The following RAB5C variants were observed in gnomAD, a reference collection of about 807,000 sequenced individuals.
RAB5C encodes RAB5C, member RAS oncogene family.
A neutral mutation model predicts 25.2 loss-of-function variants in RAB5C; 4 were observed. The observed-to-expected ratio is 0.16, with a 90% CI of 0.08 to 0.36. The LOEUF (loss-of-function observed/expected upper bound fraction) is 0.36, where lower values mean the gene tolerates loss of function less well. Ranked by LOEUF, RAB5C falls within the 10% of genes least tolerant of loss-of-function variation. The pLI, the probability that RAB5C is intolerant of heterozygous loss-of-function variation, is 1.00. For missense variants in RAB5C, 199 were observed against 283.8 expected (o/e 0.70, Z 2.15); for synonymous variants, 100 against 106.4 (o/e 0.94, Z 0.37).
chr17:42,150,383 A>C (rs1339236846), intron 1 of RAB5C, among the ~76,000 whole-genome samples: 1 of 151,116 alleles, frequency 6.6e-6, no homozygotes, highest in African/African-American at 2.4e-5. Context: ...GTCTCTACTA[A>C]AAGTACAAAA....
chr17:42,140,291 A>G (rs1204089232), intron 1 of RAB5C, among the ~76,000 whole-genome samples: 1 of 151,984 alleles, frequency 6.6e-6, no homozygotes, highest in African/African-American at 2.4e-5. Flanking sequence ...TCCTAAACAG[A>G]GAGCAGAGGT....
intron 1 of RAB5C, 136 bp from the exon 2 acceptor site, chr17:42,130,726 C>T: frequency 8.9e-7 from 1 of 1,124,456 alleles, no homozygotes; most frequent in Non-Finnish European, 1.2e-6. Flanking sequence ...CCTCCCTGCC[C>T]TCCCCACTAG....
intron 2 of RAB5C, 151 bp from the exon 3 acceptor site, chr17:42,128,951 G>T (rs9889645): frequency 1.7e-5 from 12 of 716,146 alleles, no homozygotes; most frequent in African/African-American, 7.4e-5. Flanking sequence ...AGGCCTGAGT[G>T]GGGGGTGGAG....
At chr17:42,150,842 GAC>G (rs2079666269) in intron 1 of RAB5C, among the ~76,000 whole-genome samples, 1 of 151,438 alleles carries the variant, frequency 6.6e-6, no homozygotes, top group Non-Finnish European at 1.5e-5. Context: ...ATGAGAATGA[GAC>G]TGCCTCAAAA....
At chr17:42,143,657 T>A (rs905931723) in intron 1 of RAB5C, among the ~76,000 whole-genome samples, 1 of 151,976 alleles carries the variant, frequency 6.6e-6, no homozygotes, top group Admixed American at 6.6e-5. Context: ...AGTGCCAAAA[T>A]GTAAAGAAGT....
intron 2 of RAB5C, 190 bp downstream of exon 2, chr17:42,130,147 G>A (rs762805498): frequency 3.6e-5 from 25 of 694,660 alleles, no homozygotes; most frequent in Non-Finnish European, 5.5e-5. Flanking sequence ...GCTTACTAGC[G>A]ATGCTTGAGG....
chr17:42,150,544 CAAAAAAAAAAA>C (rs759878778), intron 1 of RAB5C, among the ~76,000 whole-genome samples: 52 of 19,380 alleles, frequency 2.7e-3, no homozygotes, highest in African/African-American at 0.012. Context: ...AACTCCATCT[CAAAAAAAAAAA>C]AAAAAAAAAA....
chr17:42,128,775 GCAGA>G lies in RAB5C; in HGVS notation c.188_191del (p.Val63AlafsTer53), dbSNP rs2054455338. 1.3e-6 allele frequency: 2 copies of G among 1,560,800 alleles called. No individual in the cohort carries two copies. The highest frequency in any genetic ancestry group is 1.4e-5 in the African/African-American group (1 of 72,294). On this transcript the variant is annotated frameshift_variant, in exon 3 of 6. Transcript: ENST00000346213. LOFTEE classifies it high-confidence loss of function. ...CAAACTTGACTGTTGTGTCATCCAGGCAGACAGTCTGTGTGAGGAAGGCCGCTGT... is the reference window on the plus strand; with the variant it reads ...CAAACTTGACTGTTGTGTCATCCAGGCAGTCTGTGTGAGGAAGGCCGCTGT...
chr17:42,127,774 C>T lies in RAB5C; in HGVS notation c.441+487G>A, dbSNP rs2054441765. 2.0e-5 allele frequency among the ~76,000 whole-genome samples: 3 copies of T among 151,182 alleles called. No individual in the cohort carries two copies. The South Asian group carries it at 6.3e-4, about 32-fold the overall frequency. ...GAACTCCTAAGCTCAAGTGATCTCC[C>T]GCCTCAGCCTGCAGAGTATTGGGAT... On this transcript the variant is annotated intron_variant, in intron 4 of 5. Coordinates refer to ENST00000346213, the MANE Select transcript of RAB5C (RefSeq NM_004583.4).
intron 1 of RAB5C, among the ~76,000 whole-genome samples, chr17:42,141,348 AAAC>A (rs1478497205): frequency 6.6e-6 from 1 of 152,212 alleles, no homozygotes; most frequent in Non-Finnish European, 1.5e-5. Context: ...TTGCAGATGA[AAAC>A]AACCACATTA....
intron 1 of RAB5C, among the ~76,000 whole-genome samples, chr17:42,141,541 C>T (rs535760142): frequency 1.3e-5 from 2 of 152,158 alleles, no homozygotes; most frequent in African/African-American, 4.8e-5. Context: ...ATCTGCCAGA[C>T]GGCTCGGGTC....
At chr17:42,139,891 C>G (rs1289669405) in intron 1 of RAB5C, among the ~76,000 whole-genome samples, 2 of 152,224 alleles carry the variant, frequency 1.3e-5, no homozygotes, top group Non-Finnish European at 2.9e-5. Context: ...CAATGCCAGG[C>G]AGGATGCTAG....
At chr17:42,131,516 CA>C in intron 1 of RAB5C, 1 of 1,304,212 alleles carries the variant, frequency 7.7e-7, no homozygotes, top group Non-Finnish European at 1.1e-6. Flanking sequence ...ACAAAACACA[CA>C]CCGAAACAAA....
In RAB5C at chr17:42,128,257, C is replaced by T. The variant is rs1159373838; in HGVS notation, c.441+4G>A. Reference sequence around the variant, plus strand: ...TCCTTCCCCCAAGTCTGTCATCTCCCCACCTGGAATTCCACGGCTCTCTTG... The same window carrying T: ...TCCTTCCCCCAAGTCTGTCATCTCCTCACCTGGAATTCCACGGCTCTCTTG... On this transcript the variant is annotated splice_donor_region_variant and intron_variant, in intron 4 of 5. Transcript: ENST00000346213. 1.2e-6 allele frequency: 2 copies of T among 1,612,706 alleles called. No homozygotes were observed. Among genetic ancestry groups the T allele is most frequent in the Non-Finnish European group, 1.7e-6 (2 of 1,179,268 alleles).
At chr17:42,132,141 C>T (rs187777343) in intron 1 of RAB5C, among the ~76,000 whole-genome samples, 40 of 152,288 alleles carry the variant, frequency 2.6e-4, no homozygotes, top group Admixed American at 2.5e-3. Context: ...AAGAAGCTGA[C>T]AGCAAAGGGC....
rs1033181193 is a variant in RAB5C at position 42,154,963 on chromosome 17, G to C, written c.-159C>G. On this transcript the variant is annotated 5_prime_UTR_variant, in exon 1 of 6. Coordinates refer to ENST00000346213, the MANE Select transcript of RAB5C (RefSeq NM_004583.4). ...GGATCCGCTTCTCTCCCCGCCGGCG[G>C]TGTCCCAGGCTCCGGCCTCCACTTC... 1 of 152,328 alleles carries C rather than the reference G, an allele frequency of 6.6e-6. No homozygotes were observed. The highest frequency in any genetic ancestry group is 1.5e-5 in the Non-Finnish European group (1 of 68,088). 9.4% of individuals were successfully genotyped at this position (152,328 alleles called of 1,614,324 possible). A position where few individuals can be genotyped will look rare whatever the true frequency, so the allele number is the denominator to read the frequency against.
In RAB5C at chr17:42,125,676, C is replaced by A. The variant is rs782596513; in HGVS notation, c.*107G>T. 10 of 733,766 alleles carry A rather than the reference C, an allele frequency of 1.4e-5. No individual in the cohort carries two copies. Among genetic ancestry groups the A allele is most frequent in the Non-Finnish European group, 2.0e-5 (9 of 442,604 alleles). The allele number at this position is 733,766 out of a possible 1,614,324, so 45.5% of individuals were successfully genotyped here. A position where few individuals can be genotyped will look rare whatever the true frequency, so the allele number is the denominator to read the frequency against. ...GAGAAATCATGGTGGACCCCTCCCC[C>A]TGCCCCCCCAGTGGTGGCCCGAGTC... On this transcript the variant is annotated 3_prime_UTR_variant, in exon 6 of 6. Coordinates refer to ENST00000346213, the MANE Select transcript of RAB5C (RefSeq NM_004583.4).
At chr17:42,150,072 A>G (rs1160595464) in intron 1 of RAB5C, among the ~76,000 whole-genome samples, 7 of 151,898 alleles carry the variant, frequency 4.6e-5, no homozygotes, top group Admixed American at 4.6e-4. Context: ...TTTAGTAGAG[A>G]TGGGGTTTCA....
chr17:42,131,604 G>T, intron 1 of RAB5C: 2 of 1,533,784 alleles, frequency 1.3e-6, no homozygotes, highest in South Asian at 1.2e-5. Flanking sequence ...TTTCAATAGA[G>T]ACCTCAGTTC....
Sources: allele counts gnomAD v4.1 joint callset (sites outside exome capture counted in the v4.1 genomes callset), GRCh38; gene constraint gnomAD v4.1.1; transcripts MANE v1.5; gene names NCBI Gene and HGNC (gene_info 2026-07-23, HGNC 2026-07-21).